NSD1: variants seen among roughly 807,000 people sequenced by gnomAD.
The protein encoded by NSD1 is nuclear receptor binding SET domain protein 1.
NSD1 carries 26 observed loss-of-function variants against 242.7 expected under a neutral mutation model. The observed-to-expected ratio is 0.11, with a 90% CI of 0.08 to 0.15. The LOEUF (loss-of-function observed/expected upper bound fraction) is 0.15, where lower values mean the gene tolerates loss of function less well. Among genes scored for constraint, NSD1 ranks in the 10% least tolerant of loss-of-function variants. The probability of loss-of-function intolerance (pLI) is 1.00; values close to 1 mark genes in which losing one functional copy is unlikely to be tolerated. For synonymous variants in NSD1, 1,106 were observed against 1,178.1 expected (o/e 0.94, Z 1.25); for missense variants, 2,495 against 3,272.8 (o/e 0.76, Z 5.80).
In NSD1 at chr5:177,236,414, A is replaced by G. The variant is rs191866422; in HGVS notation, c.3921+469A>G. Among the ~76,000 whole-genome samples the G allele has an allele frequency of 2.8e-4, 42 of 152,342 alleles. 1 individual carries two copies. Among genetic ancestry groups the G allele is most frequent in the South Asian group, 2.7e-3 (13 of 4,832 alleles). Reference sequence around the variant, plus strand: ...AATCAATTTAACATATTTACATCTTATATAAGATCTGTTTATCTGACATCA... The same window carrying G: ...AATCAATTTAACATATTTACATCTTGTATAAGATCTGTTTATCTGACATCA... On this transcript the variant is annotated intron_variant, in intron 6 of 22. Transcript: ENST00000439151.
intron 10 of NSD1, 84 bp downstream of exon 10, chr5:177,246,880 T>A: frequency 2.0e-6 from 2 of 977,804 alleles, no homozygotes; most frequent in Non-Finnish European, 3.3e-6. Flanking sequence ...TCCCTTGAGT[T>A]TTCTTAAGAA....
chr5:177,207,958 C>G (rs1763031759), intron 4 of NSD1, among the ~76,000 whole-genome samples: 1 of 151,030 alleles, frequency 6.6e-6, no homozygotes, highest in Non-Finnish European at 1.5e-5. Flanking sequence ...GAGACAGGGT[C>G]TGGTTGTGTT....
rs943901678 is a variant in NSD1, at chr5:177,264,905, C to T, written c.5147-2657C>T. The T allele has an allele frequency of 8.0e-5, 63 of 783,720 alleles. 1 individual carries two copies. In the Admixed American group the frequency reaches 1.0e-3, roughly 13 times the overall value. The allele number at this position is 783,720 out of a possible 1,614,324, so 48.5% of individuals were successfully genotyped here. On this transcript the variant is annotated intron_variant, in intron 14 of 22. Transcript: ENST00000439151. ...ATTGTAGACATCAAAGGAATGGGTA[C>T]TCTTCAAAAAGGAATGCCCCACAAG...
At chr5:177,192,085 C>A (rs1049877904) in intron 3 of NSD1, 66 bp downstream of exon 3, 4 of 1,334,326 alleles carry the variant, frequency 3.0e-6, no homozygotes, top group Non-Finnish European at 4.2e-6. Flanking sequence ...TTTTTGTTAT[C>A]TTAATAATAA....
intron 2 of NSD1, among the ~76,000 whole-genome samples, chr5:177,162,200 A>T (rs558167222): frequency 6.6e-6 from 1 of 151,884 alleles, no homozygotes; most frequent in Non-Finnish European, 1.5e-5. Flanking sequence ...CGGGAGGCTG[A>T]GGCATGAGAA....
At chr5:177,291,903 T>C (rs774488386) in intron 21 of NSD1, 51 bp from the exon 22 acceptor site, 10 of 1,534,142 alleles carry the variant, frequency 6.5e-6, no homozygotes, top group Non-Finnish European at 9.0e-6. Flanking sequence ...CCGGTTAAGA[T>C]TGGTACTAAT....
chr5:177,223,156 A>G (rs766575611), intron 5 of NSD1, among the ~76,000 whole-genome samples: 3 of 149,258 alleles, frequency 2.0e-5, no homozygotes, highest in Admixed American at 6.8e-5. Context: ...ATCTTGGCTC[A>G]CTGCAACGTC....
intron 4 of NSD1, among the ~76,000 whole-genome samples, chr5:177,204,620 G>GAGC (rs1435920759): frequency 5.3e-5 from 8 of 152,284 alleles, no homozygotes; most frequent in African/African-American, 1.4e-4. Flanking sequence ...TTACAGGTGT[G>GAGC]AGCCACTGTG....
chr5:177,170,375 G>A (rs1341449543), intron 2 of NSD1, among the ~76,000 whole-genome samples: 1 of 151,016 alleles, frequency 6.6e-6, no homozygotes, highest in Non-Finnish European at 1.5e-5. Context: ...TTTAGAGACG[G>A]AGTCTCGCTC....
rs375524526 is a variant in NSD1, at chr5:177,281,394, G to C, written c.5892+560G>C. ...GTTACATTTTCTGAAGAATTTTATTGGTTTCCAGGAAATGTAGTGTATATG... is the reference window on the plus strand; with the variant it reads ...GTTACATTTTCTGAAGAATTTTATTCGTTTCCAGGAAATGTAGTGTATATG... On this transcript the variant is annotated intron_variant, in intron 18 of 22. Transcript: ENST00000439151. Among the ~76,000 whole-genome samples the C allele has an allele frequency of 8.2e-5, 12 of 146,656 alleles. No individual in the cohort carries two copies. In the East Asian group the frequency reaches 1.8e-3, roughly 22 times the overall value.
chr5:177,209,960 C>T lies in NSD1; in HGVS notation c.1561C>T (p.His521Tyr), dbSNP rs1288216447. 1 of 1,614,044 alleles carries T rather than the reference C, an allele frequency of 6.2e-7. No homozygotes were observed. The highest frequency in any genetic ancestry group is 1.7e-5 in the Admixed American group (1 of 59,998). ...AAAGGGCCACATACAATTTGAAGCA[C>T]ATAAAGATGAACGGAGGGGAAAGAT... ...VKKGHIQFEAHKDERRGKIPE... is the reference protein window; with the variant it reads ...VKKGHIQFEAYKDERRGKIPE... Residue 521 changes from histidine (H) to tyrosine (Y), a missense_variant, in exon 5 of 23, where the codon CAT becomes TAT. By Grantham distance (83) the His-to-Tyr change is moderately conservative. Coordinates refer to ENST00000439151, the MANE Select transcript of NSD1 (RefSeq NM_022455.5).
rs200769471 is a variant in NSD1 at position 177,227,946 on chromosome 5, CA to C, written c.3797-7861del. 0.011 allele frequency among the ~76,000 whole-genome samples: 1,200 copies of C among 109,310 alleles called. 57 individuals carry two copies. The East Asian group carries it at 0.15, about 14-fold the overall frequency. The allele number at this position is 109,310 out of a possible 152,430, so 71.7% of individuals were successfully genotyped here. A position where few individuals can be genotyped will look rare whatever the true frequency, so the allele number is the denominator to read the frequency against. On this transcript the variant is annotated intron_variant, in intron 5 of 22. Coordinates refer to ENST00000439151, the MANE Select transcript of NSD1 (RefSeq NM_022455.5). Reference sequence around the variant, plus strand: ...CTGGACCACAAGAGAGAAACTCTCTCAAAAAAAAAAAAAAGCAGAATTTTTT... The same window carrying C: ...CTGGACCACAAGAGAGAAACTCTCTCAAAAAAAAAAAAAGCAGAATTTTTT...
chr5:177,153,428 T>G (rs1282581581), intron 2 of NSD1, among the ~76,000 whole-genome samples: 1 of 152,100 alleles, frequency 6.6e-6, no homozygotes, highest in African/African-American at 2.4e-5. Context: ...ACTACAAGAT[T>G]GCTTTAATTA....
intron 2 of NSD1, among the ~76,000 whole-genome samples, chr5:177,158,188 A>G (rs1286824179): frequency 6.6e-6 from 1 of 152,060 alleles, no homozygotes; most frequent in South Asian, 2.1e-4. Context: ...ACTGTTTTAC[A>G]TAGTGGTTGC....
chr5:177,268,396 G>A (rs561569462), intron 15 of NSD1, among the ~76,000 whole-genome samples: 3 of 151,456 alleles, frequency 2.0e-5, no homozygotes, highest in South Asian at 2.1e-4. Flanking sequence ...GTTAATGGGT[G>A]CAGCACACCA....
At chr5:177,215,584 G>T (rs1763708898) in intron 5 of NSD1, among the ~76,000 whole-genome samples, 1 of 151,512 alleles carries the variant, frequency 6.6e-6, no homozygotes, top group Admixed American at 6.6e-5. Context: ...CTGTCACCCA[G>T]GCTGGAGTAT....
intron 5 of NSD1, among the ~76,000 whole-genome samples, chr5:177,214,305 G>A (rs143542871): frequency 0.026 from 3,923 of 152,194 alleles, 51 homozygotes; most frequent in African/African-American, 0.03. Context: ...CTGAGATTGC[G>A]CCACTGCACT....
chr5:177,171,517 A>G (rs1562150727), intron 2 of NSD1, among the ~76,000 whole-genome samples: 1 of 152,180 alleles, frequency 6.6e-6, no homozygotes, highest in East Asian at 1.9e-4. Context: ...AGCATGTATC[A>G]GCGGCCACAT....
intron 5 of NSD1, among the ~76,000 whole-genome samples, chr5:177,226,977 A>G (rs1764680930): frequency 6.6e-6 from 1 of 152,232 alleles, no homozygotes; most frequent in Admixed American, 6.5e-5. Context: ...ACTGTAGGGC[A>G]GGGTGTGGAT....
Sources: allele counts gnomAD v4.1 joint callset (sites outside exome capture counted in the v4.1 genomes callset), GRCh38; gene constraint gnomAD v4.1.1; transcripts MANE v1.5; gene names NCBI Gene and HGNC (gene_info 2026-07-23, HGNC 2026-07-21).